Variants in TTC39C observed in about 807,000 individuals in gnomAD.
TTC39C encodes the protein tetratricopeptide repeat protein 39C.
Under a neutral mutation model 76.3 loss-of-function variants are expected in TTC39C, and 33 were observed. The ratio of observed to expected loss-of-function variants is 0.43; its 90% CI spans 0.33 to 0.58. The LOEUF (loss-of-function observed/expected upper bound fraction) is 0.58, where lower values mean the gene tolerates loss of function less well. Ranked by LOEUF, TTC39C falls within the 20% of genes least tolerant of loss-of-function variation. The pLI, the probability that TTC39C is intolerant of heterozygous loss-of-function variation, is 0.04. For missense variants in TTC39C, 595 were observed against 701.4 expected (o/e 0.85, Z 1.71); for synonymous variants, 254 against 260.6 (o/e 0.97, Z 0.24).
At chr18:24,024,003 TATATATATA>T (rs2083563137) in intron 1 of TTC39C, among the ~76,000 whole-genome samples, 2 of 15,774 alleles carry the variant, frequency 1.3e-4, no homozygotes, top group South Asian at 1.8e-3. Context: ...TATATATATA[TATATATATA>T]TATATTTTTT....
chr18:24,097,456 G>A (rs1256308322), intron 6 of TTC39C, among the ~76,000 whole-genome samples: 1 of 152,156 alleles, frequency 6.6e-6, no homozygotes, highest in Non-Finnish European at 1.5e-5. Flanking sequence ...TGAAAGCTGT[G>A]CCCATGTCTG....
At chr18:24,084,236 C>T (rs540512633) in intron 6 of TTC39C, among the ~76,000 whole-genome samples, 1 of 152,288 alleles carries the variant, frequency 6.6e-6, no homozygotes, top group East Asian at 1.9e-4. Flanking sequence ...GCAGTCCCAG[C>T]ACTTTGGGAG....
chr18:24,049,420 A>G (rs1460670113), intron 1 of TTC39C, among the ~76,000 whole-genome samples: 1 of 152,228 alleles, frequency 6.6e-6, no homozygotes, highest in Non-Finnish European at 1.5e-5. Flanking sequence ...ATAGCTCAGC[A>G]TAGATAGTTT....
chr18:24,126,093 G>A (rs2085047924), intron 10 of TTC39C, among the ~76,000 whole-genome samples: 1 of 152,088 alleles, frequency 6.6e-6, no homozygotes, highest in Non-Finnish European at 1.5e-5. Flanking sequence ...AGACTGAGGT[G>A]GGAAGATCAC....
intron 6 of TTC39C, among the ~76,000 whole-genome samples, chr18:24,098,061 ATATATAT>A (rs1401776769): frequency 6.6e-6 from 1 of 152,080 alleles, no homozygotes; most frequent in Non-Finnish European, 1.5e-5. Context: ...TGCCTTTTAA[ATATATAT>A]TATATTATTT....
chr18:24,037,124 G>T (rs932791478), intron 1 of TTC39C, among the ~76,000 whole-genome samples: 3 of 152,150 alleles, frequency 2.0e-5, no homozygotes, highest in Non-Finnish European at 2.9e-5. Context: ...TAGAGGAAAA[G>T]CTTTTGGTCT....
chr18:24,098,552 C>T (rs1253567431), intron 6 of TTC39C, among the ~76,000 whole-genome samples: 1 of 104,432 alleles, frequency 9.6e-6, no homozygotes, highest in Non-Finnish European at 1.9e-5. Flanking sequence ...CCTCCCCTCT[C>T]CTCTCCTCTC....
chr18:24,090,829 C>T (rs1218051443), intron 6 of TTC39C, among the ~76,000 whole-genome samples: 1 of 99,052 alleles, frequency 1.0e-5, no homozygotes, highest in Non-Finnish European at 1.8e-5. Context: ...TTTTTGGAGA[C>T]AGAGTCTTGC....
intron 1 of TTC39C, among the ~76,000 whole-genome samples, chr18:24,057,984 A>C (rs767751926): frequency 6.6e-6 from 1 of 152,234 alleles, no homozygotes; most frequent in Non-Finnish European, 1.5e-5. Context: ...GCAGCCATAA[A>C]AAAGAATGAG....
intron 6 of TTC39C, among the ~76,000 whole-genome samples, chr18:24,095,723 A>C (rs986286221): frequency 1.3e-5 from 2 of 152,110 alleles, no homozygotes; most frequent in South Asian, 2.1e-4. Context: ...ACAAAAAAAA[A>C]CTTTTCCTTT....
intron 6 of TTC39C, among the ~76,000 whole-genome samples, chr18:24,102,571 A>T (rs189690787): frequency 9.2e-5 from 14 of 152,220 alleles, no homozygotes; most frequent in African/African-American, 3.4e-4. Flanking sequence ...CGTCTTTAGG[A>T]TGAGGAGGCT....
At chr18:24,113,268 A>G (rs975801157) in intron 6 of TTC39C, 7 of 360,444 alleles carry the variant, frequency 1.9e-5, no homozygotes, top group African/African-American at 1.5e-4. Context: ...CATTTGGCTT[A>G]CAGTGTTCCC....
chr18:24,119,879 A>G (rs2084942898), intron 8 of TTC39C, among the ~76,000 whole-genome samples: 1 of 152,118 alleles, frequency 6.6e-6, no homozygotes, highest in African/African-American at 2.4e-5. Context: ...CGCACAGTCG[A>G]TGGTGGACAG....
chr18:24,094,652 T>G (rs1249546072), intron 6 of TTC39C, among the ~76,000 whole-genome samples: 2 of 152,244 alleles, frequency 1.3e-5, no homozygotes, highest in African/African-American at 4.8e-5. Flanking sequence ...TCAGAGCTCT[T>G]GGGTGGCCAC....
At chr18:23,999,766 T>C (rs1299758753) in intron 1 of TTC39C, among the ~76,000 whole-genome samples, 1 of 152,166 alleles carries the variant, frequency 6.6e-6, no homozygotes, top group Non-Finnish European at 1.5e-5. Context: ...AGCTCCCCAC[T>C]GAGCAAGCAG....
intron 6 of TTC39C, among the ~76,000 whole-genome samples, chr18:24,109,082 T>C (rs951354669): frequency 4.1e-5 from 6 of 147,998 alleles, no homozygotes; most frequent in African/African-American, 1.5e-4. Context: ...CTCATGCCTG[T>C]AATCCCCGTA....
rs1031941265 is a variant in TTC39C, at chr18:24,125,307, T to C, written c.1297-120T>C. On this transcript the variant is annotated intron_variant, in intron 9 of 13. Coordinates refer to ENST00000317571, the MANE Select transcript of TTC39C (RefSeq NM_001135993.2). ...AGAGAGAAGAATTGTTATTCTTAGC[T>C]TTGAAGGAGAGGGTCATTCACATTG... 4.7e-6 allele frequency: 6 copies of C among 1,275,600 alleles called. No individual in the cohort carries two copies. In the African/African-American group the frequency reaches 7.5e-5, roughly 16 times the overall value. The allele number at this position is 1,275,600 out of a possible 1,614,324, so 79.0% of individuals were successfully genotyped here.
At chr18:24,082,833 A>G in intron 5 of TTC39C, 80 bp from the exon 6 acceptor site, 1 of 1,414,352 alleles carries the variant, frequency 7.1e-7, no homozygotes, top group Non-Finnish European at 9.5e-7. Context: ...GTATTGGAAG[A>G]ACACATACTG....
At chr18:24,070,698 G>C (rs2084227143) in intron 4 of TTC39C, among the ~76,000 whole-genome samples, 1 of 151,918 alleles carries the variant, frequency 6.6e-6, no homozygotes, top group Non-Finnish European at 1.5e-5. Flanking sequence ...ACAAAAATTA[G>C]CTGGGTGTGG....
Sources: allele counts gnomAD v4.1 joint callset (sites outside exome capture counted in the v4.1 genomes callset), GRCh38; gene constraint gnomAD v4.1.1; transcripts MANE v1.5; gene names NCBI Gene and HGNC (gene_info 2026-07-23, HGNC 2026-07-21).